Variants in LPIN3 observed in about 807,000 individuals in gnomAD.
The protein encoded by LPIN3 is lipin 3, also known as phosphatidate phosphatase LPIN3.
LPIN3 carries 82 observed loss-of-function variants against 94.7 expected under a neutral mutation model. The ratio of observed to expected loss-of-function variants is 0.87; its 90% CI spans 0.72 to 1.04. LPIN3 has a LOEUF of 1.04. Ranked by LOEUF, LPIN3 falls within the 50% of genes least tolerant of loss-of-function variation. The pLI, the probability that LPIN3 is intolerant of heterozygous loss-of-function variation, is 0.00. For missense variants in LPIN3, 996 were observed against 1,090.5 expected (o/e 0.91, Z 1.22); for synonymous variants, 418 against 443.3 (o/e 0.94, Z 0.72).
At chr20:41,343,073 G>C (rs2045646449) in intron 1 of LPIN3, among the ~76,000 whole-genome samples, 1 of 152,200 alleles carries the variant, frequency 6.6e-6, no homozygotes, top group South Asian at 2.1e-4. Context: ...GGGATGAAGT[G>C]CTACTGGCAT....
At chr20:41,345,755 T>A in intron 1 of LPIN3, 41 bp from the exon 2 acceptor site, 1 of 1,567,282 alleles carries the variant, frequency 6.4e-7, no homozygotes, top group Middle Eastern at 1.7e-4. Flanking sequence ...GTGGAGGAGC[T>A]GGAGCAGACC....
chr20:41,346,657 C>A (rs2146930523), intron 2 of LPIN3, among the ~76,000 whole-genome samples: 1 of 152,292 alleles, frequency 6.6e-6, no homozygotes, highest in East Asian at 1.9e-4. Flanking sequence ...AGGAGAATCG[C>A]TTGAATCCAG....
chr20:41,348,990 C>T (rs2045896498), intron 4 of LPIN3, 102 bp from the exon 5 acceptor site: 1 of 1,575,514 alleles, frequency 6.3e-7, no homozygotes, highest in South Asian at 1.1e-5. Context: ...CCTCTCTGAG[C>T]AGTAGTTGCT....
In LPIN3 at chr20:41,360,106, G is replaced by A. The variant is rs12625592; in HGVS notation, c.*1240G>A. On this transcript the variant is annotated 3_prime_UTR_variant, in exon 20 of 20. Coordinates refer to ENST00000373257, the MANE Select transcript of LPIN3 (RefSeq NM_022896.3). ...ACAGTGGGGCCCGTGCTGCTGTGGG[G>A]GAAACTGAGGCTGGGAGCCTCAGCA... 0.051 allele frequency: 7,769 copies of A among 152,718 alleles called. 816 individuals carry two copies. The highest frequency in any genetic ancestry group is 0.49 in the East Asian group (2,545 of 5,158). The allele number at this position is 152,718 out of a possible 1,614,324, so 9.5% of individuals were successfully genotyped here. A position where few individuals can be genotyped will look rare whatever the true frequency, so the allele number is the denominator to read the frequency against.
At chr20:41,356,937 A>G in intron 14 of LPIN3, 103 bp from the exon 15 acceptor site, 1 of 1,335,030 alleles carries the variant, frequency 7.5e-7, no homozygotes, top group African/African-American at 1.5e-5. Flanking sequence ...GAGGAAGAGG[A>G]GAATGAGAGG....
intron 6 of LPIN3, 37 bp from the exon 7 acceptor site, chr20:41,350,018 C>T: frequency 4.5e-6 from 7 of 1,566,398 alleles, no homozygotes; most frequent in Non-Finnish European, 6.1e-6. Flanking sequence ...ATGGGCCTTA[C>T]CCTGGCCCAC....
At chr20:41,355,869 T>G (rs1158030715) in intron 13 of LPIN3, 27 bp from the exon 14 acceptor site, 4 of 1,612,082 alleles carry the variant, frequency 2.5e-6, no homozygotes, top group Non-Finnish European at 2.5e-6. Flanking sequence ...CTGGAGGAGA[T>G]GGCCTGAGAG....
At chr20:41,348,501 C>T in intron 3 of LPIN3, 118 bp from the exon 4 acceptor site, 1 of 1,438,708 alleles carries the variant, frequency 7.0e-7, no homozygotes, top group South Asian at 1.5e-5. Flanking sequence ...ACCTGTTTTC[C>T]TGACCCTAAA....
chr20:41,352,716 G>T lies in LPIN3; in HGVS notation c.1457+17G>T. On this transcript the variant is annotated intron_variant, in intron 10 of 19. Coordinates refer to ENST00000373257, the MANE Select transcript of LPIN3 (RefSeq NM_022896.3). ...CAATGGAAAGTAAGTCCCAGAGCTGGGGCTGCTGGCAGCCGGAGAGTCATT... is the reference window on the plus strand; with the variant it reads ...CAATGGAAAGTAAGTCCCAGAGCTGTGGCTGCTGGCAGCCGGAGAGTCATT... 1 of 1,613,060 alleles carries T rather than the reference G, an allele frequency of 6.2e-7. No individual in the cohort carries two copies. Among genetic ancestry groups the T allele is most frequent in the Non-Finnish European group, 8.5e-7 (1 of 1,179,018 alleles).
chr20:41,346,123 C>A, intron 2 of LPIN3, 128 bp downstream of exon 2: 1 of 976,266 alleles, frequency 1.0e-6, no homozygotes, highest in Non-Finnish European at 1.5e-6. Flanking sequence ...ACAGGCTTCC[C>A]TTCATTTGTA....
At chr20:41,351,965 G>C in intron 8 of LPIN3, 45 bp downstream of exon 8, 1 of 1,613,302 alleles carries the variant, frequency 6.2e-7, no homozygotes, top group Non-Finnish European at 8.5e-7. Flanking sequence ...CTGGGCTCCT[G>C]GGGCCAAGGG....
At chr20:41,344,064 AAAAAAAAAAG>A (rs2045681831) in intron 1 of LPIN3, among the ~76,000 whole-genome samples, 5 of 151,724 alleles carry the variant, frequency 3.3e-5, no homozygotes, top group Admixed American at 2.0e-4. Flanking sequence ...CCTGTCTCAA[AAAAAAAAAAG>A]AAAAGAAAAG....
intron 10 of LPIN3, 40 bp from the exon 11 acceptor site, chr20:41,352,758 T>C (rs1356518215): frequency 6.2e-7 from 1 of 1,613,264 alleles, no homozygotes; most frequent in Admixed American, 1.7e-5. Flanking sequence ...TTCACAACCC[T>C]GCAGCTGCTG....
rs753490390 is a variant in LPIN3 at position 41,352,821 on chromosome 20, C to T, written c.1481C>T (p.Ala494Val). 3.7e-6 allele frequency: 6 copies of T among 1,614,072 alleles called. No individual in the cohort carries two copies. Among genetic ancestry groups the T allele is most frequent in the Non-Finnish European group, 5.1e-6 (6 of 1,180,036 alleles). ...AGGCATTATAACTGGGCTGTGGCTGCCCCCATGATCCTCTCCCTGCAAGCC... is the reference window on the plus strand; with the variant it reads ...AGGCATTATAACTGGGCTGTGGCTGTCCCCATGATCCTCTCCCTGCAAGCC... ...NGKHYNWAVA[A>V]PMILSLQAFQ... The change falls in exon 11 of 20, where the codon GCC (alanine) becomes GTC (valine). Residue 494 changes from alanine (A) to valine (V), a missense_variant. Physicochemically the swap from Ala to Val is moderately conservative, Grantham distance 64. Transcript: ENST00000373257.
chr20:41,352,655 C>T lies in LPIN3; in HGVS notation c.1413C>T (p.Pro471=), dbSNP rs142952368. 1.2e-4 allele frequency: 188 copies of T among 1,614,086 alleles called. No homozygotes were observed. The highest frequency in any genetic ancestry group is 1.5e-4 in the Non-Finnish European group (173 of 1,180,046). Residue 471 remains proline, a synonymous_variant, in exon 10 of 20, where the codon CCC becomes CCT. Coordinates refer to ENST00000373257, the MANE Select transcript of LPIN3 (RefSeq NM_022896.3). Reference sequence around the variant, plus strand: ...CTTACCAGGACCTCACCAAAAACCCCGGACTTTTGGATGACCCAAACCTAG... The same window carrying T: ...CTTACCAGGACCTCACCAAAAACCCTGGACTTTTGGATGACCCAAACCTAG... ...SVSYQDLTKN[P]GLLDDPNLVV...
At chr20:41,355,444 C>T (rs1215581740) in intron 13 of LPIN3, among the ~76,000 whole-genome samples, 2 of 152,192 alleles carry the variant, frequency 1.3e-5, no homozygotes, top group Non-Finnish European at 2.9e-5. Context: ...CTGCCCCAGA[C>T]AAGGGGATCC....
intron 4 of LPIN3, 95 bp from the exon 5 acceptor site, chr20:41,348,997 T>G (rs762541261): frequency 6.3e-7 from 1 of 1,580,344 alleles, no homozygotes; most frequent in Admixed American, 1.7e-5. Flanking sequence ...GAGCAGTAGT[T>G]GCTTCACCTT....
intron 14 of LPIN3, 56 bp from the exon 15 acceptor site, chr20:41,356,984 G>A: frequency 1.3e-6 from 2 of 1,587,926 alleles, no homozygotes; most frequent in East Asian, 2.3e-5. Flanking sequence ...AAGGGGAGAG[G>A]TAGGCAGTGC....
At chr20:41,353,517 C>G (rs1285736540) in intron 11 of LPIN3, among the ~76,000 whole-genome samples, 1 of 152,154 alleles carries the variant, frequency 6.6e-6, no homozygotes, top group African/African-American at 2.4e-5. Context: ...GCCCGCTGTG[C>G]AGAGATTGAA....
Sources: gnomAD v4.1 joint callset for allele counts (sites outside exome capture counted in the v4.1 genomes callset) on GRCh38, gnomAD v4.1.1 for gene constraint, MANE v1.5 for transcripts, NCBI Gene and HGNC (gene_info 2026-07-23, HGNC 2026-07-21) for gene names.